Variants in RBFOX1 observed in about 807,000 individuals in gnomAD.
The protein encoded by RBFOX1 is RNA binding protein fox-1 homolog 1.
RBFOX1 carries 8 observed loss-of-function variants against 57.7 expected under a neutral mutation model. The observed-to-expected ratio is 0.14, with a 90% CI of 0.08 to 0.25. The LOEUF (loss-of-function observed/expected upper bound fraction) is 0.25. Among genes scored for constraint, RBFOX1 ranks in the 10% least tolerant of loss-of-function variants. RBFOX1 has a pLI of 1.00. For missense variants in RBFOX1, 611 were observed against 548.5 expected (o/e 1.11, Z -1.14); for synonymous variants, 326 against 222.4 (o/e 1.47, Z -4.15).
chr16:7,573,917 A>G (rs2093049890), intron 5 of RBFOX1, among the ~76,000 whole-genome samples: 1 of 152,138 alleles, frequency 6.6e-6, no homozygotes, highest in Admixed American at 6.6e-5. Flanking sequence ...AGCTTTAGGA[A>G]CTATAACTAT....
At chr16:7,405,870 C>T (rs773961185) in intron 4 of RBFOX1, among the ~76,000 whole-genome samples, 3 of 152,164 alleles carry the variant, frequency 2.0e-5, no homozygotes, top group Non-Finnish European at 2.9e-5. Flanking sequence ...CTGTGATTCT[C>T]AGGCAGTTGT....
chr16:5,841,588 T>C (rs977447501), intron 3 of RBFOX1, among the ~76,000 whole-genome samples: 3 of 152,250 alleles, frequency 2.0e-5, no homozygotes, highest in African/African-American at 7.2e-5. Flanking sequence ...TTGTTTAGCA[T>C]AAGTATATCT....
intron 2 of RBFOX1, among the ~76,000 whole-genome samples, chr16:6,409,060 TA>T (rs2152967077): frequency 6.6e-6 from 1 of 152,342 alleles, no homozygotes; most frequent in East Asian, 1.9e-4. Context: ...GTGACTTGAA[TA>T]AATGAATAAA....
At chr16:6,447,489 T>G (rs2094507332) in intron 2 of RBFOX1, among the ~76,000 whole-genome samples, 1 of 152,208 alleles carries the variant, frequency 6.6e-6, no homozygotes, top group Admixed American at 6.5e-5. Context: ...TGACTTTCAA[T>G]CATTTTAGTG....
In RBFOX1 at chr16:7,232,577, C is replaced by T. The variant is rs138663340; in HGVS notation, c.27+180479C>T. ...GATAACAGGCCAGGCATAAGCGGCT[C>T]ATGCCTGTAATCCCAGCGCTTTGGG... On this transcript the variant is annotated intron_variant, in intron 4 of 15. Transcript: ENST00000550418. Among the ~76,000 whole-genome samples, 1,064 of 152,204 alleles carry T rather than the reference C, an allele frequency of 7.0e-3. 15 individuals carry two copies. Among genetic ancestry groups the T allele is most frequent in the African/African-American group, 0.025 (1,020 of 41,512 alleles).
At chr16:5,760,239 C>G (rs973201949) in intron 3 of RBFOX1, among the ~76,000 whole-genome samples, 2 of 152,036 alleles carry the variant, frequency 1.3e-5, no homozygotes, top group Non-Finnish European at 2.9e-5. Context: ...TGGTCCCAGG[C>G]AAACAGAGAC....
intron 2 of RBFOX1, among the ~76,000 whole-genome samples, chr16:6,491,138 T>C (rs931618860): frequency 1.3e-5 from 2 of 151,996 alleles, no homozygotes; most frequent in African/African-American, 4.8e-5. Context: ...GCTATAGATA[T>C]GTAACTTATG....
chr16:6,990,928 C>A (rs1210185179), intron 3 of RBFOX1, among the ~76,000 whole-genome samples: 2 of 151,974 alleles, frequency 1.3e-5, no homozygotes, highest in Non-Finnish European at 2.9e-5. Context: ...CAATTTATTG[C>A]CAATGAGAAC....
At chr16:7,219,387 C>G (rs929917783) in intron 4 of RBFOX1, among the ~76,000 whole-genome samples, 5 of 152,168 alleles carry the variant, frequency 3.3e-5, no homozygotes, top group Non-Finnish European at 5.9e-5. Flanking sequence ...ACTGCCAACT[C>G]TTTGCACCGT....
chr16:6,670,734 A>T (rs2098758793), intron 3 of RBFOX1, among the ~76,000 whole-genome samples: 1 of 152,230 alleles, frequency 6.6e-6, no homozygotes, highest in South Asian at 2.1e-4. Context: ...ACGGTGGTTC[A>T]CGCCTGTAAT....
At chr16:7,410,397 C>G (rs1381879626) in intron 4 of RBFOX1, among the ~76,000 whole-genome samples, 1 of 152,198 alleles carries the variant, frequency 6.6e-6, no homozygotes, top group African/African-American at 2.4e-5. Flanking sequence ...AGACTGCAGC[C>G]TCGGCTGAGC....
intron 1 of RBFOX1, among the ~76,000 whole-genome samples, chr16:5,367,734 C>G (rs142646521): frequency 1.3e-5 from 2 of 152,278 alleles, no homozygotes; most frequent in African/African-American, 4.8e-5. Flanking sequence ...CCATTATAAT[C>G]TTGAGATTGA....
intron 1 of RBFOX1, among the ~76,000 whole-genome samples, chr16:6,311,525 T>C (rs1183076414): frequency 6.6e-6 from 1 of 152,108 alleles, no homozygotes; most frequent in African/African-American, 2.4e-5. Context: ...CTGTGTGAAA[T>C]GCCTACGCCT....
chr16:6,173,297 A>G (rs1277434236), intron 1 of RBFOX1, among the ~76,000 whole-genome samples: 1 of 152,174 alleles, frequency 6.6e-6, no homozygotes, highest in African/African-American at 2.4e-5. Flanking sequence ...CAGATCTCAA[A>G]TATTTGCCAT....
At chr16:5,736,125 G>A (rs532876299) in intron 3 of RBFOX1, among the ~76,000 whole-genome samples, 1 of 152,158 alleles carries the variant, frequency 6.6e-6, no homozygotes, top group Non-Finnish European at 1.5e-5. Flanking sequence ...GATGACGGCG[G>A]GAGGTTTTGT....
intron 3 of RBFOX1, among the ~76,000 whole-genome samples, chr16:5,710,046 GC>G (rs1302568522): frequency 1.3e-5 from 2 of 150,390 alleles, no homozygotes; most frequent in Non-Finnish European, 3.0e-5. Flanking sequence ...ATTTTTAAGT[GC>G]CCATGTATCT....
intron 2 of RBFOX1, among the ~76,000 whole-genome samples, chr16:6,358,269 C>A (rs1200264958): frequency 2.0e-5 from 3 of 152,164 alleles, no homozygotes; most frequent in Non-Finnish European, 4.4e-5. Flanking sequence ...TTTCTGGCAT[C>A]ATGTAATTTT....
chr16:7,450,872 G>T (rs564393248), intron 4 of RBFOX1, among the ~76,000 whole-genome samples: 1 of 152,258 alleles, frequency 6.6e-6, no homozygotes, highest in East Asian at 1.9e-4. Flanking sequence ...AGCAGTGAGA[G>T]GGTAGGAGAA....
rs192165221 is a variant in RBFOX1, at chr16:6,999,294, C to T, written c.-15-52763C>T. Reference sequence around the variant, plus strand: ...CTGGTCCTGAACTCCTGGGTTCAAGCGGTCCACCTGCCTCGGCCTCCAAAA... The same window carrying T: ...CTGGTCCTGAACTCCTGGGTTCAAGTGGTCCACCTGCCTCGGCCTCCAAAA... On this transcript the variant is annotated intron_variant, in intron 3 of 15. Transcript: ENST00000550418. Among the ~76,000 whole-genome samples the T allele has an allele frequency of 1.4e-3, 214 of 148,162 alleles. 1 individual carries two copies. The South Asian group carries it at 0.024, about 16-fold the overall frequency.
Sources: allele counts gnomAD v4.1 joint callset (sites outside exome capture counted in the v4.1 genomes callset), GRCh38; gene constraint gnomAD v4.1.1; transcripts MANE v1.5; gene names NCBI Gene and HGNC (gene_info 2026-07-23, HGNC 2026-07-21).